Variants in HHAT observed in about 807,000 individuals in gnomAD.
The protein encoded by HHAT is hedgehog acyltransferase, also known as protein-cysteine N-palmitoyltransferase HHAT.
A neutral mutation model predicts 70.8 loss-of-function variants in HHAT; 47 were observed. The ratio of observed to expected loss-of-function variants is 0.66; its 90% CI spans 0.53 to 0.85. HHAT has a LOEUF of 0.85. HHAT is among the 40% of genes least tolerant of loss of function. The pLI, the probability that HHAT is intolerant of heterozygous loss-of-function variation, is 0.00. For missense variants in HHAT, 609 were observed against 604.8 expected, an observed-to-expected ratio of 1.01 and a Z score of -0.07; for synonymous variants, 228 against 247.6, an observed-to-expected ratio of 0.92 and a Z score of 0.74.
chr1:210,374,465 A>G (rs2090013865), intron 3 of HHAT, among the ~76,000 whole-genome samples: 1 of 152,206 alleles, frequency 6.6e-6, no homozygotes, highest in Non-Finnish European at 1.5e-5. Context: ...GCAGGGTACT[A>G]TGGGTATGCA....
At chr1:210,447,892 A>C (rs1205887006) in intron 7 of HHAT, among the ~76,000 whole-genome samples, 3 of 152,262 alleles carry the variant, frequency 2.0e-5, no homozygotes, top group East Asian at 1.9e-4. Context: ...GGGTGCTGAC[A>C]GATGAGGCTC....
chr1:210,431,784 T>A (rs1572394794), intron 7 of HHAT, among the ~76,000 whole-genome samples: 1 of 151,794 alleles, frequency 6.6e-6, no homozygotes, highest in Non-Finnish European at 1.5e-5. Context: ...TGGCAAGGAC[T>A]GGGGGAAGAG....
At chr1:210,425,651 A>T (rs941996007) in intron 7 of HHAT, among the ~76,000 whole-genome samples, 1 of 151,978 alleles carries the variant, frequency 6.6e-6, no homozygotes, top group Non-Finnish European at 1.5e-5. Flanking sequence ...ATATAGTTGT[A>T]CATGTGTGGC....
chr1:210,565,437 A>G (rs1265014951), intron 9 of HHAT, among the ~76,000 whole-genome samples: 1 of 152,216 alleles, frequency 6.6e-6, no homozygotes, highest in Non-Finnish European at 1.5e-5. Context: ...AGATGCTTAG[A>G]AAATATTTGG....
chr1:210,431,165 C>T (rs990073910), intron 7 of HHAT, among the ~76,000 whole-genome samples: 5 of 151,742 alleles, frequency 3.3e-5, no homozygotes, highest in African/African-American at 1.2e-4. Flanking sequence ...GAGTTGTTAC[C>T]AACGTGGTGC....
At chr1:210,659,413 C>T (rs750994838) in intron 11 of HHAT, among the ~76,000 whole-genome samples, 18 of 152,040 alleles carry the variant, frequency 1.2e-4, no homozygotes, top group African/African-American at 1.5e-4. Flanking sequence ...GACCAATAAC[C>T]GGCTCTGAAA....
intron 8 of HHAT, among the ~76,000 whole-genome samples, chr1:210,511,286 C>T (rs1483664760): frequency 6.6e-6 from 1 of 152,114 alleles, no homozygotes; most frequent in Admixed American, 6.5e-5. Context: ...TTATATATCT[C>T]GAATCCCGTT....
intron 8 of HHAT, among the ~76,000 whole-genome samples, chr1:210,512,384 CAT>C (rs954298300): frequency 6.7e-6 from 1 of 150,000 alleles, no homozygotes; most frequent in African/African-American, 2.4e-5. Flanking sequence ...GCTTTTGAAA[CAT>C]ATTTCGGGCT....
rs528916278 is a variant in HHAT, at chr1:210,359,508, A to G, written c.92-3344A>G. ...CCAGATCGATGAACTGGCTCATTTGATCTTGCGGCTCCCACTCAGGAACCA... is the reference window on the plus strand; with the variant it reads ...CCAGATCGATGAACTGGCTCATTTGGTCTTGCGGCTCCCACTCAGGAACCA... On this transcript the variant is annotated intron_variant, in intron 2 of 11. Transcript: ENST00000261458. 3.3e-5 allele frequency among the ~76,000 whole-genome samples: 5 copies of G among 152,064 alleles called. No homozygotes were observed. The South Asian group carries it at 1.0e-3, about 32-fold the overall frequency.
intron 10 of HHAT, among the ~76,000 whole-genome samples, chr1:210,597,727 C>T (rs1663317310): frequency 6.6e-6 from 1 of 152,108 alleles, no homozygotes; most frequent in South Asian, 2.1e-4. Flanking sequence ...CCTTTCAGGA[C>T]AGTAGGCTCC....
intron 10 of HHAT, among the ~76,000 whole-genome samples, chr1:210,616,814 A>G (rs901883870): frequency 2.6e-5 from 4 of 152,232 alleles, no homozygotes; most frequent in Non-Finnish European, 5.9e-5. Context: ...CTAGTTCTTC[A>G]TTTGTAAAAT....
At chr1:210,532,295 A>C (rs2095323107) in intron 9 of HHAT, among the ~76,000 whole-genome samples, 1 of 152,228 alleles carries the variant, frequency 6.6e-6, no homozygotes, top group Admixed American at 6.5e-5. Flanking sequence ...CCAATTTTTC[A>C]GTTGTAATAA....
At chr1:210,608,843 G>C (rs530657913) in intron 10 of HHAT, among the ~76,000 whole-genome samples, 1 of 152,178 alleles carries the variant, frequency 6.6e-6, no homozygotes, top group African/African-American at 2.4e-5. Context: ...GCATCCTCCA[G>C]AGGGGACAAA....
intron 11 of HHAT, among the ~76,000 whole-genome samples, chr1:210,637,604 C>G (rs76078862): frequency 0.027 from 4,106 of 152,198 alleles, 184 homozygotes; most frequent in African/African-American, 0.094. Context: ...GCTCACACCT[C>G]TAATCCCAGA....
intron 8 of HHAT, among the ~76,000 whole-genome samples, chr1:210,499,752 A>G (rs1483270608): frequency 1.3e-5 from 2 of 152,210 alleles, no homozygotes; most frequent in Non-Finnish European, 2.9e-5. Context: ...TTTGCTGGTA[A>G]TTAGTAAGCC....
At chr1:210,640,649 G>A (rs1672800963) in intron 11 of HHAT, among the ~76,000 whole-genome samples, 1 of 151,574 alleles carries the variant, frequency 6.6e-6, no homozygotes, top group African/African-American at 2.4e-5. Context: ...ATGCGTGCGT[G>A]TAACCCCCGC....
intron 11 of HHAT, among the ~76,000 whole-genome samples, chr1:210,656,445 A>G (rs1256748967): frequency 6.6e-6 from 1 of 151,804 alleles, no homozygotes; most frequent in Admixed American, 6.6e-5. Flanking sequence ...CTTGTTTCCC[A>G]TGTGGCCTGA....
At chr1:210,610,377 C>G (rs1666337625) in intron 10 of HHAT, among the ~76,000 whole-genome samples, 1 of 152,030 alleles carries the variant, frequency 6.6e-6, no homozygotes, top group Admixed American at 6.6e-5. Context: ...TTGTTTTTCT[C>G]TTGTAGATTT....
intron 4 of HHAT, among the ~76,000 whole-genome samples, chr1:210,395,380 T>C (rs2091726378): frequency 6.6e-6 from 1 of 151,906 alleles, no homozygotes; most frequent in Non-Finnish European, 1.5e-5. Flanking sequence ...AGGTTAAGAG[T>C]ATGGATTTCA....
Sources: allele counts gnomAD v4.1 joint callset (sites outside exome capture counted in the v4.1 genomes callset), GRCh38; gene constraint gnomAD v4.1.1; transcripts MANE v1.5; gene names NCBI Gene and HGNC (gene_info 2026-07-23, HGNC 2026-07-21).